Variants in PEBP4 observed in about 807,000 individuals in gnomAD.
PEBP4 encodes phosphatidylethanolamine-binding protein 4.
In PEBP4, 22 loss-of-function variants were observed where a neutral mutation model predicts 23.9. That is an observed-to-expected ratio of 0.92 (90% CI 0.66 to 1.31). The LOEUF (loss-of-function observed/expected upper bound fraction) is 1.31. Among genes scored for constraint, PEBP4 ranks in the 40% most tolerant of loss-of-function variants. PEBP4 has a pLI of 0.00. For missense variants in PEBP4, 324 were observed against 281.7 expected, an observed-to-expected ratio of 1.15 and a Z score of -1.07; for synonymous variants, 112 against 99.3, an observed-to-expected ratio of 1.13 and a Z score of -0.76.
intron 3 of PEBP4, among the ~76,000 whole-genome samples, chr8:22,906,796 A>G (rs1808825672): frequency 6.6e-6 from 1 of 152,280 alleles, no homozygotes. Flanking sequence ...GGTATGCACC[A>G]GTGAATAAAC....
chr8:22,938,211 G>A (rs1809566254), intron 1 of PEBP4, among the ~76,000 whole-genome samples: 1 of 152,052 alleles, frequency 6.6e-6, no homozygotes, highest in Admixed American at 6.5e-5. Context: ...CGACAACACT[G>A]GCCACTCCGT....
In PEBP4 at chr8:22,732,173, C is replaced by T. The variant is rs533414800; in HGVS notation, c.358-4953G>A. 9.9e-5 allele frequency among the ~76,000 whole-genome samples: 15 copies of T among 152,090 alleles called. No homozygotes were observed. The East Asian group carries it at 2.9e-3, about 29-fold the overall frequency. On this transcript the variant is annotated intron_variant, in intron 4 of 6. Coordinates refer to ENST00000256404, the MANE Select transcript of PEBP4 (RefSeq NM_144962.3). ...CCTTCTAAGTTTGGGACTGGAGGGC[C>T]CGGGGAAGGCAATTCTTCCTCATCA...
At chr8:22,796,552 A>T (rs1806264325) in intron 4 of PEBP4, among the ~76,000 whole-genome samples, 2 of 152,202 alleles carry the variant, frequency 1.3e-5, no homozygotes, top group African/African-American at 4.8e-5. Flanking sequence ...TGCCAGGCTC[A>T]AAAGCCCTAT....
intron 3 of PEBP4, among the ~76,000 whole-genome samples, chr8:22,869,114 G>A (rs889651872): frequency 1.2e-4 from 19 of 152,134 alleles, no homozygotes; most frequent in African/African-American, 4.6e-4. Context: ...TGTACTGGCT[G>A]GCCCCTCTGC....
At chr8:22,915,717 A>C (rs766674970) in intron 3 of PEBP4, among the ~76,000 whole-genome samples, 2 of 152,198 alleles carry the variant, frequency 1.3e-5, no homozygotes, top group Non-Finnish European at 2.9e-5. Flanking sequence ...GAGACTCCAC[A>C]TGTAGTCTAC....
At chr8:22,815,428 G>A (rs1174939548) in intron 4 of PEBP4, among the ~76,000 whole-genome samples, 1 of 152,180 alleles carries the variant, frequency 6.6e-6, no homozygotes, top group Non-Finnish European at 1.5e-5. Context: ...TAGCAGTGGT[G>A]AACACCAACA....
At chr8:22,718,437 C>T (rs532610089) in intron 6 of PEBP4, among the ~76,000 whole-genome samples, 6 of 152,192 alleles carry the variant, frequency 3.9e-5, no homozygotes, top group Admixed American at 6.5e-5. Context: ...GGTTTCTTCA[C>T]GATGTGTTCA....
chr8:22,924,596 C>T (rs965821292), intron 2 of PEBP4: 4 of 934,336 alleles, frequency 4.3e-6, no homozygotes, highest in African/African-American at 3.6e-5. Context: ...AGCAGGGCCT[C>T]GGGGTAAGAA....
At chr8:22,864,076 G>T (rs1807833647) in intron 3 of PEBP4, among the ~76,000 whole-genome samples, 3 of 152,146 alleles carry the variant, frequency 2.0e-5, no homozygotes, top group Admixed American at 2.0e-4. Flanking sequence ...TTGCTCCTGG[G>T]CACACAGAAC....
Position 22,728,307 on chromosome 8 carries a change from A to G in PEBP4, c.358-1087T>C, listed in dbSNP as rs139000337. 1.6e-3 allele frequency among the ~76,000 whole-genome samples: 249 copies of G among 152,182 alleles called. 1 individual carries two copies. The highest frequency in any genetic ancestry group is 5.7e-3 in the African/African-American group (237 of 41,504). On this transcript the variant is annotated intron_variant, in intron 4 of 6. Transcript: ENST00000256404. ...GAACCCACCAGATCTCCTACCTTTTAGACTGCAGCTTGTCTATTATTGTCC... is the reference window on the plus strand; with the variant it reads ...GAACCCACCAGATCTCCTACCTTTTGGACTGCAGCTTGTCTATTATTGTCC...
chr8:22,773,013 G>C lies in PEBP4; in HGVS notation c.357+44624C>G, dbSNP rs1187308012. Among the ~76,000 whole-genome samples the C allele has an allele frequency of 2.0e-5, 3 of 151,986 alleles. No homozygotes were observed. In the East Asian group the frequency reaches 5.8e-4, roughly 29 times the overall value. ...ACAAAGACTTAGAGAACCCATCTTG[G>C]CCTTCCCCACCCCCTACCCCTCTTT... is the stretch of plus-strand genomic sequence containing the variant. On this transcript the variant is annotated intron_variant, in intron 4 of 6. Transcript: ENST00000256404.
At chr8:22,901,361 T>C (rs1224205038) in intron 3 of PEBP4, among the ~76,000 whole-genome samples, 1 of 152,202 alleles carries the variant, frequency 6.6e-6, no homozygotes, top group African/African-American at 2.4e-5. Flanking sequence ...GGACTCTGTC[T>C]TGTGTCAGCA....
At chr8:22,848,979 T>C (rs1033558013) in intron 3 of PEBP4, among the ~76,000 whole-genome samples, 22 of 152,194 alleles carry the variant, frequency 1.4e-4, no homozygotes, top group Admixed American at 6.5e-5. Flanking sequence ...GGCAGGAATC[T>C]GGAAAGCAGC....
chr8:22,921,424 G>A (rs1809197591), intron 2 of PEBP4, among the ~76,000 whole-genome samples: 2 of 152,342 alleles, frequency 1.3e-5, no homozygotes, highest in East Asian at 3.9e-4. Context: ...GTAATTTGGA[G>A]AATAGATCTG....
chr8:22,779,004 G>A (rs1173059536), intron 4 of PEBP4, among the ~76,000 whole-genome samples: 1 of 151,416 alleles, frequency 6.6e-6, no homozygotes, highest in Non-Finnish European at 1.5e-5. Context: ...GGCTGCATGG[G>A]AGGCGGTGAC....
chr8:22,840,284 G>A (rs1807295964), intron 3 of PEBP4, among the ~76,000 whole-genome samples: 1 of 152,140 alleles, frequency 6.6e-6, no homozygotes, highest in African/African-American at 2.4e-5. Flanking sequence ...GTGGGGACTG[G>A]TGGGCCTTTA....
intron 3 of PEBP4, among the ~76,000 whole-genome samples, chr8:22,862,092 C>G (rs1807790127): frequency 6.6e-6 from 1 of 152,106 alleles, no homozygotes; most frequent in South Asian, 2.1e-4. Flanking sequence ...AAGAAAAGAT[C>G]AAAAGCACTC....
At chr8:22,742,913 G>C (rs1805028031) in intron 4 of PEBP4, among the ~76,000 whole-genome samples, 1 of 152,222 alleles carries the variant, frequency 6.6e-6, no homozygotes, top group Admixed American at 6.5e-5. Context: ...CAAGAGTCAA[G>C]AGATCATTAC....
intron 3 of PEBP4, among the ~76,000 whole-genome samples, chr8:22,875,508 T>C (rs1808101688): frequency 6.6e-6 from 1 of 152,232 alleles, no homozygotes; most frequent in Non-Finnish European, 1.5e-5. Flanking sequence ...CCAGTGTCTG[T>C]TGTTCTGAGC....
Sources: gnomAD v4.1 joint callset for allele counts (sites outside exome capture counted in the v4.1 genomes callset) on GRCh38, gnomAD v4.1.1 for gene constraint, MANE v1.5 for transcripts, NCBI Gene and HGNC (gene_info 2026-07-23, HGNC 2026-07-21) for gene names.